Variants in ERBB4 observed in about 807,000 individuals in gnomAD.
ERBB4 encodes the protein erb-b2 receptor tyrosine kinase 4.
Under a neutral mutation model 158.0 loss-of-function variants are expected in ERBB4, and 42 were observed. The observed-to-expected ratio is 0.27, with a 90% CI of 0.21 to 0.34. ERBB4 has a LOEUF of 0.34. Among genes scored for constraint, ERBB4 ranks in the 10% least tolerant of loss-of-function variants. ERBB4 has a pLI of 1.00. For synonymous variants in ERBB4, 583 were observed against 558.7 expected, an observed-to-expected ratio of 1.04 and a Z score of -0.61; for missense variants, 1,333 against 1,624.1, an observed-to-expected ratio of 0.82 and a Z score of 3.08.
intron 2 of ERBB4, among the ~76,000 whole-genome samples, chr2:211,959,121 C>T (rs985886035): frequency 6.6e-6 from 1 of 152,046 alleles, no homozygotes; most frequent in Non-Finnish European, 1.5e-5. Flanking sequence ...ATCCATCCAT[C>T]CATCCACCCA....
chr2:211,820,875 G>T (rs192118568), intron 3 of ERBB4, among the ~76,000 whole-genome samples: 573 of 151,644 alleles, frequency 3.8e-3, no homozygotes, highest in African/African-American at 0.013. Context: ...ATCAGGATAA[G>T]AACTCTCAAT....
chr2:212,124,656 G>A (rs2079864315), intron 2 of ERBB4, 96 bp downstream of exon 2: 4 of 1,381,450 alleles, frequency 2.9e-6, no homozygotes, highest in East Asian at 2.3e-5. Context: ...CCAGGCAGAA[G>A]AGCACCCCTT....
chr2:212,387,564 C>T (rs562309819), intron 1 of ERBB4, among the ~76,000 whole-genome samples: 94 of 151,816 alleles, frequency 6.2e-4, no homozygotes, highest in African/African-American at 2.1e-3. Flanking sequence ...ATTACGGGCA[C>T]ACACCACCAC....
intron 2 of ERBB4, among the ~76,000 whole-genome samples, chr2:211,976,679 A>G (rs839501): frequency 0.65 from 99,356 of 151,782 alleles, 34,090 homozygotes; most frequent in Non-Finnish European, 0.77. Context: ...TTTATTTTTC[A>G]TCTTGTCAAT....
chr2:212,425,465 C>T (rs1372605374), intron 1 of ERBB4, among the ~76,000 whole-genome samples: 1 of 137,336 alleles, frequency 7.3e-6, no homozygotes, highest in African/African-American at 3.0e-5. Flanking sequence ...TATATTATTA[C>T]AAAGTAATTG....
At chr2:211,833,531 G>A (rs1206591565) in intron 3 of ERBB4, among the ~76,000 whole-genome samples, 1 of 151,908 alleles carries the variant, frequency 6.6e-6, no homozygotes, top group Non-Finnish European at 1.5e-5. Flanking sequence ...TTTAGACTCA[G>A]ATCTAGCTCT....
chr2:211,947,187 T>C (rs2080723752), intron 3 of ERBB4, among the ~76,000 whole-genome samples: 1 of 152,122 alleles, frequency 6.6e-6, no homozygotes, highest in East Asian at 1.9e-4. Flanking sequence ...ACAGAGCATT[T>C]CCAGAGTTTA....
At chr2:212,144,313 A>T (rs551963945) in intron 1 of ERBB4, among the ~76,000 whole-genome samples, 2 of 152,324 alleles carry the variant, frequency 1.3e-5, no homozygotes, top group East Asian at 3.9e-4. Context: ...CCTAACTGGT[A>T]TTTAAGATTT....
intron 1 of ERBB4, among the ~76,000 whole-genome samples, chr2:212,366,290 C>T (rs2089887208): frequency 6.6e-6 from 1 of 151,784 alleles, no homozygotes; most frequent in African/African-American, 2.4e-5. Context: ...CTGGTTTGTG[C>T]AAGATAGGAT....
intron 3 of ERBB4, among the ~76,000 whole-genome samples, chr2:211,946,681 A>G (rs3452): frequency 0.26 from 36,756 of 143,866 alleles, 5,711 homozygotes; most frequent in African/African-American, 0.46. Flanking sequence ...TTTTGATTAC[A>G]GGTATACATG....
intron 16 of ERBB4, among the ~76,000 whole-genome samples, chr2:211,635,749 CT>C: frequency 6.6e-6 from 1 of 152,148 alleles, no homozygotes; most frequent in Admixed American, 6.5e-5. Flanking sequence ...ATTGGCGAAA[CT>C]GGTATTTTGA....
intron 2 of ERBB4, among the ~76,000 whole-genome samples, chr2:212,111,890 C>T (rs2125541716): frequency 6.6e-6 from 1 of 150,516 alleles, no homozygotes; most frequent in East Asian, 1.9e-4. Flanking sequence ...TTTTTTTTTG[C>T]ACTTATTAAT....
At chr2:211,519,222 A>G (rs2066124696) in intron 20 of ERBB4, among the ~76,000 whole-genome samples, 1 of 152,082 alleles carries the variant, frequency 6.6e-6, no homozygotes, top group Non-Finnish European at 1.5e-5. Context: ...CAGTGACTTA[A>G]TTTTTCTTTA....
At chr2:212,139,963 T>C (rs547548576) in intron 1 of ERBB4, among the ~76,000 whole-genome samples, 2 of 152,048 alleles carry the variant, frequency 1.3e-5, no homozygotes, top group South Asian at 4.1e-4. Context: ...TTTCTACTGA[T>C]ATTATTTGCC....
chr2:211,417,506 G>A (rs528702627), intron 25 of ERBB4, among the ~76,000 whole-genome samples: 1 of 152,126 alleles, frequency 6.6e-6, no homozygotes, highest in South Asian at 2.1e-4. Context: ...AATATTAAAA[G>A]TATATCTAAC....
chr2:211,979,996 T>C (rs1294187457), intron 2 of ERBB4, among the ~76,000 whole-genome samples: 1 of 152,190 alleles, frequency 6.6e-6, no homozygotes, highest in African/African-American at 2.4e-5. Context: ...ATAGAAGAGT[T>C]GCTAACATGC....
At chr2:212,183,978 G>T (rs1420776737) in intron 1 of ERBB4, among the ~76,000 whole-genome samples, 1 of 152,056 alleles carries the variant, frequency 6.6e-6, no homozygotes, top group South Asian at 2.1e-4. Context: ...CTTTAAGCAT[G>T]CTCTGTTCCC....
intron 12 of ERBB4, among the ~76,000 whole-genome samples, chr2:211,697,439 T>C (rs915508720): frequency 6.6e-6 from 1 of 152,124 alleles, no homozygotes; most frequent in Non-Finnish European, 1.5e-5. Context: ...CTTAACTATA[T>C]AAAAATATGG....
intron 1 of ERBB4, among the ~76,000 whole-genome samples, chr2:212,344,347 C>T (rs868496659): frequency 6.6e-6 from 1 of 151,998 alleles, no homozygotes; most frequent in Non-Finnish European, 1.5e-5. Context: ...TACCCAGTTG[C>T]GACAACCAAA....
Sources: gnomAD v4.1 joint callset for allele counts (sites outside exome capture counted in the v4.1 genomes callset) on GRCh38, gnomAD v4.1.1 for gene constraint, MANE v1.5 for transcripts, NCBI Gene and HGNC (gene_info 2026-07-23, HGNC 2026-07-21) for gene names.